CACNB2: variants seen among roughly 807,000 people sequenced by gnomAD.
The protein encoded by CACNB2 is calcium voltage-gated channel auxiliary subunit beta 2.
A neutral mutation model predicts 73.3 loss-of-function variants in CACNB2; 42 were observed. The ratio of observed to expected loss-of-function variants is 0.57; its 90% CI spans 0.45 to 0.74. The LOEUF is 0.74. Ranked by LOEUF, CACNB2 falls within the 30% of genes least tolerant of loss-of-function variation. CACNB2 has a pLI of 0.00. For synonymous variants in CACNB2, 348 were observed against 310.3 expected (o/e 1.12, Z -1.28); for missense variants, 940 against 853.0 (o/e 1.10, Z -1.27).
At chr10:18,348,343 A>ATTAAGATACAT (rs2041556472) in intron 2 of CACNB2, among the ~76,000 whole-genome samples, 1 of 152,236 alleles carries the variant, frequency 6.6e-6, no homozygotes, top group Non-Finnish European at 1.5e-5. Context: ...AATTTTGTCA[A>ATTAAGATACAT]ATGTCTCTTT....
intron 2 of CACNB2, among the ~76,000 whole-genome samples, chr10:18,392,477 T>C (rs934223524): frequency 2.0e-5 from 3 of 151,970 alleles, no homozygotes; most frequent in Non-Finnish European, 2.9e-5. Context: ...TAGGAGGAAG[T>C]ATATTTAAGA....
At chr10:18,491,046 C>T (rs998791863) in intron 3 of CACNB2, among the ~76,000 whole-genome samples, 3 of 152,146 alleles carry the variant, frequency 2.0e-5, no homozygotes, top group African/African-American at 7.2e-5. Flanking sequence ...GCCCACTGTT[C>T]CTGGTGTTCC....
intron 3 of CACNB2, among the ~76,000 whole-genome samples, chr10:18,497,113 G>A (rs1390254047): frequency 6.7e-6 from 1 of 149,860 alleles, no homozygotes; most frequent in African/African-American, 2.5e-5. Flanking sequence ...TCGGGAGGCT[G>A]AAGCAGGAGA....
At chr10:18,427,075 C>T (rs1221684140) in intron 3 of CACNB2, among the ~76,000 whole-genome samples, 4 of 149,760 alleles carry the variant, frequency 2.7e-5, no homozygotes, top group African/African-American at 7.4e-5. Flanking sequence ...CCTGCCTTAG[C>T]CTCCCTAGTA....
At chr10:18,300,390 T>C (rs944059473) in intron 2 of CACNB2, among the ~76,000 whole-genome samples, 6 of 152,238 alleles carry the variant, frequency 3.9e-5, no homozygotes, top group African/African-American at 9.6e-5. Flanking sequence ...CCTACACTCC[T>C]GAAATTTCAT....
At chr10:18,363,948 A>AT (rs1226300079) in intron 2 of CACNB2, among the ~76,000 whole-genome samples, 1 of 137,846 alleles carries the variant, frequency 7.3e-6, no homozygotes, top group East Asian at 2.9e-4. Flanking sequence ...AAGGCAGTTT[A>AT]ATTTTTTTTT....
Position 18,150,880 on chromosome 10 carries a change from T to TA in CACNB2, c.121-2dup, listed in dbSNP as rs1554759926. On this transcript the variant is annotated splice_polypyrimidine_tract_variant and splice_region_variant and intron_variant, in intron 1 of 13. Coordinates refer to ENST00000324631, the MANE Select transcript of CACNB2 (RefSeq NM_201596.3). The stretch of plus-strand genomic sequence containing the variant: ...CTTTTTTTTTTTTTTTTTTTTTTTT[T>TA]AGTCATATGGAAAAGGAGCCAGAAG... 6 of 1,300,366 alleles carry TA rather than the reference T, an allele frequency of 4.6e-6. No individual in the cohort carries two copies. The South Asian group carries it at 6.7e-5, about 15-fold the overall frequency. The allele number at this position is 1,300,366 out of a possible 1,614,324, so 80.6% of individuals were successfully genotyped here.
chr10:18,303,241 C>G (rs1206047316), intron 2 of CACNB2, among the ~76,000 whole-genome samples: 2 of 152,120 alleles, frequency 1.3e-5, no homozygotes, highest in Non-Finnish European at 2.9e-5. Flanking sequence ...GGTGACTCAT[C>G]CCTGTAATCC....
At chr10:18,406,929 G>A (rs1017220667) in intron 3 of CACNB2, among the ~76,000 whole-genome samples, 1 of 152,032 alleles carries the variant, frequency 6.6e-6, no homozygotes, top group Non-Finnish European at 1.5e-5. Context: ...GTCAGTGTAC[G>A]TAAAGGCTGT....
Position 18,500,875 on chromosome 10 carries a change from C to G in CACNB2, c.520C>G (p.Pro174Ala). Residue 174 changes from proline to alanine, a missense_variant, in exon 5 of 14, where the codon CCA (proline) becomes GCA (alanine). Pro to Ala is a conservative substitution (Grantham distance 27, BLOSUM62 -1). Coordinates refer to ENST00000324631, the MANE Select transcript of CACNB2 (RefSeq NM_201596.3). ...AGAAGGCTGTGAAATCGGATTCATT[C>G]CAAGCCCAGTCAAACTAGAAAACAT... is the stretch of plus-strand genomic sequence containing the variant. ...VKEGCEIGFI[P>A]SPVKLENMRL... 6.2e-7 allele frequency: 1 copy of G among 1,613,920 alleles called. No individual in the cohort carries two copies.
chr10:18,381,231 G>C (rs867379973), intron 2 of CACNB2, among the ~76,000 whole-genome samples: 1 of 150,838 alleles, frequency 6.6e-6, no homozygotes, highest in Non-Finnish European at 1.5e-5. Flanking sequence ...CATTTTGGCC[G>C]GGTGCGGTGG....
intron 3 of CACNB2, among the ~76,000 whole-genome samples, chr10:18,420,621 C>T (rs2045267715): frequency 6.6e-6 from 1 of 152,228 alleles, no homozygotes; most frequent in Non-Finnish European, 1.5e-5. Context: ...AGGCAGTCAA[C>T]TTACTCAGTC....
chr10:18,141,170 A>C (rs1358090704), intron 1 of CACNB2: 1 of 1,339,934 alleles, frequency 7.5e-7, no homozygotes, highest in Non-Finnish European at 9.9e-7. Context: ...GGAGAGGCAC[A>C]TGGAGAGACA....
intron 2 of CACNB2, among the ~76,000 whole-genome samples, chr10:18,359,751 C>G (rs1246034169): frequency 1.3e-5 from 2 of 152,086 alleles, no homozygotes. Context: ...TGTCCCTCCT[C>G]TAGCCCCCCA....
chr10:18,386,933 C>A (rs2132418299), intron 2 of CACNB2, among the ~76,000 whole-genome samples: 1 of 152,272 alleles, frequency 6.6e-6, no homozygotes, highest in South Asian at 2.1e-4. Context: ...AAGTTGATCC[C>A]AGGTATTCAT....
chr10:18,533,956 A>T (rs893724135), intron 10 of CACNB2, 120 bp from the exon 11 acceptor site: 3 of 850,712 alleles, frequency 3.5e-6, no homozygotes, highest in Non-Finnish European at 5.7e-6. Flanking sequence ...TATCAATTCT[A>T]TTGCCTGTAA....
At chr10:18,411,347 A>G (rs12247217) in intron 3 of CACNB2, among the ~76,000 whole-genome samples, 23,234 of 152,066 alleles carry the variant, frequency 0.15, 2,519 homozygotes, top group African/African-American at 0.31. Flanking sequence ...GTAGGTAACA[A>G]TCACACACAT....
In CACNB2 at chr10:18,429,425, A is replaced by G. The variant is rs568606861; in HGVS notation, c.333+27382A>G. Among the ~76,000 whole-genome samples, 22 of 152,288 alleles carry G rather than the reference A, an allele frequency of 1.4e-4. 1 individual carries two copies. The South Asian group carries it at 4.4e-3, about 30-fold the overall frequency. ...TGTGCCTCCTGAATATGAGGATTTG[A>G]GAATTTTGTCAACCCTGGAAAACCC... On this transcript the variant is annotated intron_variant, in intron 3 of 13. Coordinates refer to ENST00000324631, the MANE Select transcript of CACNB2 (RefSeq NM_201596.3).
Position 18,166,868 on chromosome 10 carries a change from C to T in CACNB2, c.213+15893C>T, listed in dbSNP as rs933879024. ...ATGTAACAATCCTGCACGTTGTGCA[C>T]GTGTACCCTAAAACTTAAAGTATAA... On this transcript the variant is annotated intron_variant, in intron 2 of 13. Coordinates refer to ENST00000324631, the MANE Select transcript of CACNB2 (RefSeq NM_201596.3). Among the ~76,000 whole-genome samples, 8 of 152,154 alleles carry T rather than the reference C, an allele frequency of 5.3e-5. No individual in the cohort carries two copies. The South Asian group carries it at 1.0e-3, about 20-fold the overall frequency.
Sources: gnomAD v4.1 joint callset for allele counts (sites outside exome capture counted in the v4.1 genomes callset) on GRCh38, gnomAD v4.1.1 for gene constraint, MANE v1.5 for transcripts, NCBI Gene and HGNC (gene_info 2026-07-23, HGNC 2026-07-21) for gene names.